TENM2: variants seen among roughly 807,000 people sequenced by gnomAD.
TENM2 encodes the protein teneurin-2.
Under a neutral mutation model 245.2 loss-of-function variants are expected in TENM2, and 52 were observed. The observed-to-expected ratio is 0.21, with a 90% CI of 0.17 to 0.27. TENM2 has a LOEUF of 0.27. Ranked by LOEUF, TENM2 falls within the 10% of genes least tolerant of loss-of-function variation. The pLI is 1.00. For missense variants in TENM2, 3,046 were observed against 3,666.8 expected (o/e 0.83, Z 4.37); for synonymous variants, 1,363 against 1,438.9 (o/e 0.95, Z 1.19).
intron 2 of TENM2, among the ~76,000 whole-genome samples, chr5:167,841,749 T>A (rs559399650): frequency 6.6e-6 from 1 of 152,204 alleles, no homozygotes; most frequent in African/African-American, 2.4e-5. Context: ...AGACCTTTTT[T>A]TCTAGTCCAG....
chr5:167,794,171 A>G (rs1423804887), intron 2 of TENM2, among the ~76,000 whole-genome samples: 1 of 152,142 alleles, frequency 6.6e-6, no homozygotes, highest in East Asian at 1.9e-4. Flanking sequence ...CAGAACCCAG[A>G]TAAAATCCAA....
chr5:168,259,358 A>G lies in TENM2; in HGVS notation c.7433-925A>G, dbSNP rs139086425. Among the ~76,000 whole-genome samples, 1,406 of 151,630 alleles carry G rather than the reference A, an allele frequency of 9.3e-3. 23 individuals are homozygous for G. Among genetic ancestry groups the G allele is most frequent in the African/African-American group, 0.032 (1,343 of 41,324 alleles). ...ATCCCAGCACTTTGGGAGGCTGAGG[A>G]GGGCGGATCACCTGAGGTCGGGAGT... On this transcript the variant is annotated intron_variant, in intron 27 of 28. Transcript: ENST00000518659.
chr5:167,559,206 C>T (rs985273271), intron 2 of TENM2, among the ~76,000 whole-genome samples: 10 of 152,156 alleles, frequency 6.6e-5, no homozygotes, highest in Non-Finnish European at 1.0e-4. Context: ...CACTTCTCAG[C>T]GTCTCAGCCT....
chr5:167,713,297 G>A (rs202002039), intron 2 of TENM2, among the ~76,000 whole-genome samples: 5 of 151,178 alleles, frequency 3.3e-5, no homozygotes, highest in East Asian at 3.9e-4. Flanking sequence ...CCCAGAAATC[G>A]GGAAGCTCCT....
chr5:167,968,465 T>C (rs1781540120), intron 4 of TENM2, among the ~76,000 whole-genome samples: 1 of 152,246 alleles, frequency 6.6e-6, no homozygotes, highest in Admixed American at 6.5e-5. Context: ...TAAATGGTAC[T>C]GAAATCAGAT....
chr5:167,290,424 AG>A (rs1439610751), intron 1 of TENM2, among the ~76,000 whole-genome samples: 1 of 152,198 alleles, frequency 6.6e-6, no homozygotes, highest in Non-Finnish European at 1.5e-5. Flanking sequence ...AAGTGCTAGT[AG>A]TTATCGTTAC....
chr5:168,234,045 C>T (rs1765192824), intron 25 of TENM2, among the ~76,000 whole-genome samples: 2 of 152,100 alleles, frequency 1.3e-5, no homozygotes, highest in Non-Finnish European at 2.9e-5. Flanking sequence ...AGATGGACGT[C>T]TCTCTTTCTG....
chr5:167,381,037 A>G (rs1359267088), intron 2 of TENM2, among the ~76,000 whole-genome samples: 2 of 152,154 alleles, frequency 1.3e-5, no homozygotes, highest in Non-Finnish European at 2.9e-5. Context: ...TTTTCTACAG[A>G]CAATTGAATC....
chr5:168,204,719 A>G, intron 19 of TENM2, 98 bp downstream of exon 21: 1 of 1,471,542 alleles, frequency 6.8e-7, no homozygotes, highest in Non-Finnish European at 9.2e-7. Context: ...TTCTCCAGAG[A>G]AGATATAGTC....
At chr5:167,439,992 C>G (rs1262872957) in intron 2 of TENM2, among the ~76,000 whole-genome samples, 1 of 152,112 alleles carries the variant, frequency 6.6e-6, no homozygotes, top group African/African-American at 2.4e-5. Context: ...TCTCTTGTAG[C>G]TGGAAAAATG....
intron 1 of TENM2, among the ~76,000 whole-genome samples, chr5:167,301,519 C>T (rs1195508766): frequency 6.6e-6 from 1 of 152,224 alleles, no homozygotes; most frequent in Non-Finnish European, 1.5e-5. Context: ...TATTATTGTA[C>T]ACCTTGAAGA....
At chr5:167,848,835 T>G (rs1463433411) in intron 2 of TENM2, among the ~76,000 whole-genome samples, 1 of 152,208 alleles carries the variant, frequency 6.6e-6, no homozygotes, top group Non-Finnish European at 1.5e-5. Context: ...TTCTACCCCT[T>G]TCCCAACCCC....
chr5:167,083,382 C>T, the TENM2 span, among the ~76,000 whole-genome samples: 1 of 152,156 alleles, frequency 6.6e-6, no homozygotes, highest in Non-Finnish European at 1.5e-5. Flanking sequence ...GCTTCACCAA[C>T]TGCTTGGGAC....
chr5:166,980,473 T>C, the TENM2 span, among the ~76,000 whole-genome samples: 1 of 152,222 alleles, frequency 6.6e-6, no homozygotes, highest in Non-Finnish European at 1.5e-5. Flanking sequence ...GGATCTGTTT[T>C]AAATATTATT....
At chr5:167,579,888 A>G (rs756554140) in intron 2 of TENM2, among the ~76,000 whole-genome samples, 3 of 152,198 alleles carry the variant, frequency 2.0e-5, no homozygotes, top group Non-Finnish European at 2.9e-5. Flanking sequence ...AGCCAGCTAC[A>G]TGATATCCTG....
intron 19 of TENM2, among the ~76,000 whole-genome samples, chr5:168,204,867 G>A (rs1421339875): frequency 6.6e-6 from 1 of 152,222 alleles, no homozygotes; most frequent in Non-Finnish European, 1.5e-5. Flanking sequence ...CTCCAGACTG[G>A]AGAACAACCA....
At chr5:167,117,289 G>A in the TENM2 span, among the ~76,000 whole-genome samples, 6 of 152,244 alleles carry the variant, frequency 3.9e-5, no homozygotes, top group East Asian at 1.9e-4. Flanking sequence ...GGATCATGAC[G>A]TCAGGAGATC....
chr5:168,230,368 C>T (rs1415607574), intron 25 of TENM2, among the ~76,000 whole-genome samples: 2 of 152,310 alleles, frequency 1.3e-5, no homozygotes, highest in African/African-American at 2.4e-5. Flanking sequence ...AATTTATTTG[C>T]ATCTCATTTA....
rs749429964 is a variant in TENM2, at chr5:168,247,606, C to T, written c.6667C>T (p.Arg2223Cys). The change falls in exon 27 of 29, where the codon CGC (arginine) becomes TGC (cysteine). Residue 2223 changes from arginine to cysteine, a missense_variant. Arg to Cys is a radical substitution (Grantham distance 180). Transcript: ENST00000518659. The surrounding 1 kb of genome is among the most constrained non-coding windows in gnomAD (Gnocchi z 7.8). Reference sequence around the variant, plus strand: ...GGCCGTCAATGACCGCCCGACCTGGCGCTACAGCTATGACCTTAATGGGAA... The same window carrying T: ...GGCCGTCAATGACCGCCCGACCTGGTGCTACAGCTATGACCTTAATGGGAA... The T allele has an allele frequency of 2.5e-5, 40 of 1,613,146 alleles. No homozygotes were observed. Among genetic ancestry groups the T allele is most frequent in the African/African-American group, 4.0e-5 (3 of 74,924 alleles).
Sources: gnomAD v4.1 joint callset for allele counts (sites outside exome capture counted in the v4.1 genomes callset) on GRCh38, gnomAD v4.1.1 for gene constraint, Gnocchi (gnomAD v3.1) non-coding constraint, MANE v1.5 for transcripts, NCBI Gene and HGNC (gene_info 2026-07-23, HGNC 2026-07-21) for gene names.